Variants in ARFGEF1 observed in about 807,000 individuals in gnomAD.
The protein encoded by ARFGEF1 is brefeldin A-inhibited guanine nucleotide-exchange protein 1.
A neutral mutation model predicts 231.0 loss-of-function variants in ARFGEF1; 42 were observed. That is an observed-to-expected ratio of 0.18 (90% confidence interval 0.14 to 0.24). ARFGEF1 has a LOEUF of 0.24. Among genes scored for constraint, ARFGEF1 ranks in the 10% least tolerant of loss-of-function variants. The pLI, the probability that ARFGEF1 is intolerant of heterozygous loss-of-function variation, is 1.00. For synonymous variants in ARFGEF1, 710 were observed against 732.3 expected (o/e 0.97, Z 0.49); for missense variants, 1,345 against 2,192.0 (o/e 0.61, Z 7.72).
intron 22 of ARFGEF1, among the ~76,000 whole-genome samples, chr8:67,237,116 A>G (rs1295637966): frequency 6.6e-6 from 1 of 152,198 alleles, no homozygotes; most frequent in Non-Finnish European, 1.5e-5. Flanking sequence ...TGAGCCAATC[A>G]GTGCACATTC....
intron 7 of ARFGEF1, among the ~76,000 whole-genome samples, chr8:67,284,733 T>C (rs1455431754): frequency 1.3e-5 from 2 of 152,146 alleles, no homozygotes; most frequent in Admixed American, 1.3e-4. Flanking sequence ...ACTAATTGTA[T>C]GTTTCCCTCT....
chr8:67,203,296 A>G, intron 35 of ARFGEF1, 45 bp from the exon 36 acceptor site: 1 of 1,585,850 alleles, frequency 6.3e-7, no homozygotes. Flanking sequence ...AGTCACAATA[A>G]TTTTACTTGA....
At chr8:67,313,553 C>G (rs1014667209) in intron 1 of ARFGEF1, among the ~76,000 whole-genome samples, 2 of 152,192 alleles carry the variant, frequency 1.3e-5, no homozygotes, top group Non-Finnish European at 2.9e-5. Flanking sequence ...TGTTGTCTCT[C>G]TTCTGGGTCT....
intron 29 of ARFGEF1, 81 bp downstream of exon 29, chr8:67,224,822 G>T: frequency 1.0e-6 from 1 of 983,688 alleles, no homozygotes; most frequent in South Asian, 2.9e-5. Flanking sequence ...CTTTAACTGT[G>T]AGATTGTGTT....
intron 2 of ARFGEF1, among the ~76,000 whole-genome samples, chr8:67,302,033 C>A (rs1806514284): frequency 6.6e-6 from 1 of 151,852 alleles, no homozygotes; most frequent in Non-Finnish European, 1.5e-5. Flanking sequence ...ATGGCAGAAT[C>A]CCATCTCTAC....
chr8:67,336,822 C>A (rs1295143764), intron 1 of ARFGEF1, among the ~76,000 whole-genome samples: 1 of 152,072 alleles, frequency 6.6e-6, no homozygotes, highest in Non-Finnish European at 1.5e-5. Flanking sequence ...GATAAAAAAA[C>A]CTCCCTGCAA....
At chr8:67,196,756 A>C (rs1185555505), downstream of ARFGEF1, among the ~76,000 whole-genome samples, 1 of 152,226 alleles carries the variant, frequency 6.6e-6, no homozygotes, top group East Asian at 1.9e-4. Context: ...CTGATACTAC[A>C]ACATTAAAAT....
At chr8:67,248,247 G>A (rs917018507) in intron 19 of ARFGEF1, among the ~76,000 whole-genome samples, 5 of 150,228 alleles carry the variant, frequency 3.3e-5, no homozygotes, top group Admixed American at 6.6e-5. Flanking sequence ...TTATACTACA[G>A]AGCTATAGTA....
At chr8:67,262,971 T>C (rs902528009) in intron 14 of ARFGEF1, among the ~76,000 whole-genome samples, 1 of 152,110 alleles carries the variant, frequency 6.6e-6, no homozygotes, top group Non-Finnish European at 1.5e-5. Context: ...ACCCACAATA[T>C]CCCTAAGGTA....
downstream of ARFGEF1, chr8:67,195,297 A>ATGAG (rs1272024709): frequency 7.1e-6 from 6 of 840,960 alleles, no homozygotes; most frequent in Non-Finnish European, 8.3e-6. Flanking sequence ...CTGAGTTGTA[A>ATGAG]TGAGTTGGAC....
At chr8:67,302,933 A>C (rs983458896) in intron 1 of ARFGEF1, among the ~76,000 whole-genome samples, 3 of 137,498 alleles carry the variant, frequency 2.2e-5, no homozygotes, top group African/African-American at 8.1e-5. Context: ...AAAAAAAAAA[A>C]TTTAAATCAG....
At chr8:67,269,839 A>G (rs1261447428) in intron 10 of ARFGEF1, among the ~76,000 whole-genome samples, 4 of 152,172 alleles carry the variant, frequency 2.6e-5, no homozygotes, top group Admixed American at 6.5e-5. Flanking sequence ...GAAATTTCTT[A>G]AAGTTTTTCC....
chr8:67,240,088 T>G, intron 20 of ARFGEF1, 74 bp downstream of exon 20: 1 of 1,544,524 alleles, frequency 6.5e-7, no homozygotes, highest in Non-Finnish European at 8.7e-7. Context: ...AAACAATTAT[T>G]GTAATTTAAA....
intron 5 of ARFGEF1, among the ~76,000 whole-genome samples, chr8:67,176,680 T>C (rs1167702260): frequency 1.3e-5 from 2 of 152,144 alleles, no homozygotes; most frequent in Non-Finnish European, 2.9e-5. Context: ...GTAGTCCCCA[T>C]GTGGATACAG....
Position 67,299,364 on chromosome 8 carries a change from G to T in ARFGEF1, c.313-9C>A, listed in dbSNP as rs757548762. ...CCATAAGCAATAAGTTTCTAAAATGGAGAAAGAAAACAAAGATCCTAAGTA... is the reference window on the plus strand; with the variant it reads ...CCATAAGCAATAAGTTTCTAAAATGTAGAAAGAAAACAAAGATCCTAAGTA... On this transcript the variant is annotated splice_polypyrimidine_tract_variant and intron_variant, in intron 3 of 38. Coordinates refer to ENST00000262215, the MANE Select transcript of ARFGEF1 (RefSeq NM_006421.5). 9 of 1,598,624 alleles carry T rather than the reference G, an allele frequency of 5.6e-6. 1 individual carries two copies. The highest frequency in any genetic ancestry group is 1.7e-4 in the Middle Eastern group (1 of 6,014).
intron 1 of ARFGEF1, among the ~76,000 whole-genome samples, chr8:67,311,460 A>T (rs1363348061): frequency 9.7e-6 from 1 of 102,996 alleles, no homozygotes; most frequent in Non-Finnish European, 1.9e-5. Context: ...TCAGGGAGGG[A>T]GGTGGGGGGG....
intron 10 of ARFGEF1, among the ~76,000 whole-genome samples, chr8:67,267,953 TCTA>T (rs1389146907): frequency 1.3e-5 from 2 of 152,186 alleles, no homozygotes; most frequent in Non-Finnish European, 2.9e-5. Context: ...AGTGAAAATC[TCTA>T]CTGTTTGAAA....
At position 67,311,619 on chromosome 8, in the gene ARFGEF1, G is replaced by A. The variant is rs532911197; in HGVS notation, c.125-9153C>T. Among the ~76,000 whole-genome samples, 369 of 147,834 alleles carry A rather than the reference G, an allele frequency of 2.5e-3. 1 individual carries two copies. Among genetic ancestry groups the A allele is most frequent in the Non-Finnish European group, 4.1e-3 (274 of 66,464 alleles). On this transcript the variant is annotated intron_variant, in intron 1 of 38. Coordinates refer to ENST00000262215, the MANE Select transcript of ARFGEF1 (RefSeq NM_006421.5). ...CCTCGTCCGGGAGGGAGGTGGGGGG[G>A]TCAGCCCCCCCGCCCAGCCAGCCGC...
intron 10 of ARFGEF1, among the ~76,000 whole-genome samples, chr8:67,271,031 AAAAAAAAAAAAAGGAAAAAG>A (rs958443934): frequency 5.5e-5 from 8 of 144,270 alleles, no homozygotes; most frequent in African/African-American, 1.3e-4. Flanking sequence ...TCTCCAAAAA[AAAAAAAAAAAAAGGAAAAAG>A]AAAAAAAAAA....
Sources: gnomAD v4.1 joint callset for allele counts (sites outside exome capture counted in the v4.1 genomes callset) on GRCh38, gnomAD v4.1.1 for gene constraint, MANE v1.5 for transcripts, NCBI Gene and HGNC (gene_info 2026-07-23, HGNC 2026-07-21) for gene names.